Variants in DAAM1 observed in about 807,000 individuals in gnomAD.
DAAM1 encodes the protein disheveled-associated activator of morphogenesis 1.
A neutral mutation model predicts 130.0 loss-of-function variants in DAAM1; 52 were observed. The ratio of observed to expected loss-of-function variants is 0.40; its 90% CI spans 0.32 to 0.50. DAAM1 has a LOEUF of 0.50. Ranked by LOEUF, DAAM1 falls within the 20% of genes least tolerant of loss-of-function variation. DAAM1 has a pLI of 0.61. For missense variants in DAAM1, 1,134 were observed against 1,303.8 expected (o/e 0.87, Z 2.01); for synonymous variants, 452 against 444.5 (o/e 1.02, Z -0.21).
chr14:59,325,821 G>A, intron 9 of DAAM1, 91 bp downstream of exon 9: 2 of 1,547,768 alleles, frequency 1.3e-6, no homozygotes, highest in Non-Finnish European at 1.8e-6. Context: ...TGGACTTTAG[G>A]GCAACCTAAA....
intron 1 of DAAM1, among the ~76,000 whole-genome samples, chr14:59,222,671 T>C (rs572843478): frequency 5.2e-4 from 79 of 152,368 alleles, no homozygotes; most frequent in African/African-American, 1.9e-3. Context: ...TAGGTCATTC[T>C]ATCCACTTGA....
Position 59,300,470 on chromosome 14 carries a change from C to T in DAAM1, c.273+9164C>T, listed in dbSNP as rs183188057. Among the ~76,000 whole-genome samples the T allele has an allele frequency of 1.5e-3, 232 of 152,302 alleles. 1 individual carries two copies. The highest frequency in any genetic ancestry group is 2.0e-3 in the Non-Finnish European group (139 of 68,020). On this transcript the variant is annotated intron_variant, in intron 3 of 24. Coordinates refer to ENST00000360909, the MANE Select transcript of DAAM1 (RefSeq NM_001270520.2). ...TTCTAGGTTCCAATAAGTTGACACT[C>T]TCAAAATTTCTAAAAGAAAAAACTA...
At chr14:59,355,900 A>G (rs996255695) in intron 20 of DAAM1, among the ~76,000 whole-genome samples, 1 of 152,220 alleles carries the variant, frequency 6.6e-6, no homozygotes, top group African/African-American at 2.4e-5. Flanking sequence ...GGTAGCAACT[A>G]TATTAAAAAC....
intron 1 of DAAM1, among the ~76,000 whole-genome samples, chr14:59,210,257 ATGAG>A (rs1888388758): frequency 6.6e-6 from 1 of 152,270 alleles, no homozygotes; most frequent in Non-Finnish European, 1.5e-5. Flanking sequence ...ATTGCCTACA[ATGAG>A]TATTATTATA....
intron 24 of DAAM1, among the ~76,000 whole-genome samples, chr14:59,368,403 C>T (rs1022340060): frequency 6.6e-6 from 1 of 151,920 alleles, no homozygotes; most frequent in Non-Finnish European, 1.5e-5. Context: ...GAATATCATG[C>T]AGTTTACCTA....
intron 20 of DAAM1, among the ~76,000 whole-genome samples, chr14:59,357,751 C>T (rs1886541033): frequency 1.3e-5 from 2 of 151,840 alleles, no homozygotes; most frequent in Admixed American, 1.3e-4. Flanking sequence ...GTACTCCAGC[C>T]TGGGTGACAG....
chr14:59,306,203 C>T (rs535461769), intron 3 of DAAM1, among the ~76,000 whole-genome samples: 1 of 152,238 alleles, frequency 6.6e-6, no homozygotes, highest in South Asian at 2.1e-4. Context: ...TTCTCAGAAC[C>T]TCTCAACTCT....
intron 16 of DAAM1, among the ~76,000 whole-genome samples, chr14:59,345,505 C>T (rs1001960718): frequency 1.3e-5 from 2 of 152,158 alleles, no homozygotes; most frequent in Admixed American, 1.3e-4. Context: ...TCCTTCTCTT[C>T]CCTACTTAAT....
chr14:59,246,280 A>T (rs1171171673), intron 1 of DAAM1, among the ~76,000 whole-genome samples: 1 of 152,158 alleles, frequency 6.6e-6, no homozygotes, highest in Non-Finnish European at 1.5e-5. Flanking sequence ...TGAGTACTTT[A>T]GATACCTCAT....
intron 1 of DAAM1, among the ~76,000 whole-genome samples, chr14:59,251,084 C>T (rs1282457611): frequency 6.6e-6 from 1 of 152,194 alleles, no homozygotes; most frequent in African/African-American, 2.4e-5. Context: ...GTGTGTGGTA[C>T]AGCATTGTTA....
intron 1 of DAAM1, among the ~76,000 whole-genome samples, chr14:59,234,874 G>A (rs1889241365): frequency 6.6e-6 from 1 of 152,110 alleles, no homozygotes; most frequent in Non-Finnish European, 1.5e-5. Context: ...TTTTATCAGA[G>A]GCCTTTTCTG....
chr14:59,341,486 C>T (rs969359146), intron 16 of DAAM1, among the ~76,000 whole-genome samples: 1 of 152,194 alleles, frequency 6.6e-6, no homozygotes, highest in Non-Finnish European at 1.5e-5. Flanking sequence ...AAACTGCATT[C>T]ACATAACTTT....
At chr14:59,272,339 G>A in intron 2 of DAAM1, among the ~76,000 whole-genome samples, 1 of 152,160 alleles carries the variant, frequency 6.6e-6, no homozygotes, top group Admixed American at 6.5e-5. Context: ...AGCACTTTGG[G>A]AGACTAAGGC....
chr14:59,311,925 C>T (rs184976967), intron 3 of DAAM1, among the ~76,000 whole-genome samples: 17 of 152,220 alleles, frequency 1.1e-4, no homozygotes, highest in African/African-American at 2.4e-4. Context: ...TCTTGAACTC[C>T]GGGCCTCAAG....
At chr14:59,193,754 T>G (rs1594749472) in intron 1 of DAAM1, among the ~76,000 whole-genome samples, 1 of 152,346 alleles carries the variant, frequency 6.6e-6, no homozygotes, top group Non-Finnish European at 1.5e-5. Flanking sequence ...GTAATGGCTG[T>G]CCACGTCTGG....
intron 1 of DAAM1, among the ~76,000 whole-genome samples, chr14:59,235,061 A>T (rs1352611450): frequency 6.6e-6 from 1 of 151,410 alleles, no homozygotes; most frequent in African/African-American, 2.4e-5. Flanking sequence ...TTTATTGAGG[A>T]TTTTTGTCTC....
intron 16 of DAAM1, among the ~76,000 whole-genome samples, chr14:59,342,391 C>T (rs1203752041): frequency 6.6e-6 from 1 of 152,120 alleles, no homozygotes; most frequent in Non-Finnish European, 1.5e-5. Flanking sequence ...CACAGAATGA[C>T]ATGTTAAATG....
At chr14:59,360,766 A>C (rs1320502183) in intron 21 of DAAM1, 36 bp from the exon 22 acceptor site, 6 of 1,594,796 alleles carry the variant, frequency 3.8e-6, no homozygotes, top group African/African-American at 2.7e-5. Context: ...TGTGTAAGTC[A>C]CATGTTGATT....
At chr14:59,287,039 A>G (rs1001901468) in intron 2 of DAAM1, among the ~76,000 whole-genome samples, 2 of 152,182 alleles carry the variant, frequency 1.3e-5, no homozygotes, top group Non-Finnish European at 2.9e-5. Flanking sequence ...ATCCTCAGCA[A>G]AGTACTAGCT....
Sources: gnomAD v4.1 joint callset for allele counts (sites outside exome capture counted in the v4.1 genomes callset) on GRCh38, gnomAD v4.1.1 for gene constraint, MANE v1.5 for transcripts, NCBI Gene and HGNC (gene_info 2026-07-23, HGNC 2026-07-21) for gene names.